Variants in TBC1D2 observed in about 807,000 individuals in gnomAD.
TBC1D2 encodes the protein TBC1 domain family member 2, also known as TBC1 domain family member 2A.
A neutral mutation model predicts 91.1 loss-of-function variants in TBC1D2; 58 were observed. The observed-to-expected ratio is 0.64, with a 90% CI of 0.52 to 0.79. The LOEUF is 0.79. Ranked by LOEUF, TBC1D2 falls within the 30% of genes least tolerant of loss-of-function variation. TBC1D2 has a pLI of 0.00. For missense variants in TBC1D2, 1,080 were observed against 1,208.3 expected (o/e 0.89, Z 1.57); for synonymous variants, 482 against 511.5 (o/e 0.94, Z 0.78).
At chr9:98,237,036 G>A (rs75388502) in intron 3 of TBC1D2, among the ~76,000 whole-genome samples, 1 of 151,680 alleles carries the variant, frequency 6.6e-6, no homozygotes, top group Non-Finnish European at 1.5e-5. Context: ...AATAAAATCT[G>A]TTAAGAATGT....
Position 98,251,813 on chromosome 9 carries a change from C to T in TBC1D2, c.483G>A (p.Gly161=). ...GCTCGAGGTGCAGGACGGGCCCATT[C>T]CCAGCCAGGGCGGCATCAGGGGTGG... ...PPATPDAALA[G]NGPVLHLELG... is the part of the protein sequence containing the mutation. Residue 161 remains glycine, a synonymous_variant, in exon 2 of 13, where the codon GGG becomes GGA. Coordinates refer to ENST00000465784, the MANE Select transcript of TBC1D2 (RefSeq NM_001267571.2). 6.2e-7 allele frequency: 1 copy of T among 1,602,606 alleles called. No individual in the cohort carries two copies. Among genetic ancestry groups the T allele is most frequent in the Non-Finnish European group, 8.5e-7 (1 of 1,175,398 alleles).
intron 6 of TBC1D2, 127 bp downstream of exon 6, chr9:98,220,706 G>A: frequency 8.3e-7 from 1 of 1,206,700 alleles, no homozygotes; most frequent in East Asian, 2.4e-5. Context: ...TTTCTAATGT[G>A]AATATTCTAG....
intron 6 of TBC1D2, among the ~76,000 whole-genome samples, chr9:98,217,086 A>T (rs111441579): frequency 2.0e-5 from 3 of 152,350 alleles, no homozygotes; most frequent in African/African-American, 7.2e-5. Context: ...GACATGCCGG[A>T]CAGGGAGGCA....
rs916827192 is a variant in TBC1D2, at chr9:98,228,594, C to A, written c.978+358G>T. ...TCGGCTGCCAGGTCAAAGTTCCCCCCAGTTCTATCGACAGCCCCTCCCATG... is the reference window on the plus strand; with the variant it reads ...TCGGCTGCCAGGTCAAAGTTCCCCCAAGTTCTATCGACAGCCCCTCCCATG... On this transcript the variant is annotated intron_variant, in intron 5 of 12. Coordinates refer to ENST00000465784, the MANE Select transcript of TBC1D2 (RefSeq NM_001267571.2). The surrounding 1 kb of genome is among the most constrained non-coding windows in gnomAD (Gnocchi z 4.0). Among the ~76,000 whole-genome samples the A allele has an allele frequency of 3.9e-5, 6 of 152,154 alleles. No homozygotes were observed. In the East Asian group the frequency reaches 1.2e-3, roughly 29 times the overall value.
intron 8 of TBC1D2, among the ~76,000 whole-genome samples, chr9:98,209,710 CTTT>C (rs565949265): frequency 2.1e-5 from 3 of 143,484 alleles, no homozygotes; most frequent in Non-Finnish European, 4.6e-5. Flanking sequence ...TTGCCTAAAT[CTTT>C]TTTTTTTCCT....
In TBC1D2 at chr9:98,244,079, G is replaced by C. The variant is rs373090046; in HGVS notation, c.562C>G (p.Pro188Ala). ...GCAGCTGCCACGCCCACTAGCCCAG[G>C]GGGTGTTTTCACAGGGCACAGGAAC... ...EEFLCPVKTPPGLVGVAAALQ... is the reference protein window; with the variant it reads ...EEFLCPVKTPAGLVGVAAALQ... The change falls in exon 3 of 13, where the codon CCT becomes GCT. Residue 188 changes from proline to alanine, a missense_variant. Physicochemically the swap from Pro to Ala is conservative, Grantham distance 27. Transcript: ENST00000465784. 13 of 1,613,292 alleles carry C rather than the reference G, an allele frequency of 8.1e-6. No individual in the cohort carries two copies. The highest frequency in any genetic ancestry group is 1.0e-5 in the Non-Finnish European group (12 of 1,179,708).
At chr9:98,201,441 C>A in intron 11 of TBC1D2, 38 bp downstream of exon 11, 1 of 1,594,648 alleles carries the variant, frequency 6.3e-7, no homozygotes, top group Non-Finnish European at 8.6e-7. Flanking sequence ...AAGGGACTTG[C>A]TCAGGGGCCC....
intron 6 of TBC1D2, among the ~76,000 whole-genome samples, chr9:98,220,008 A>G (rs977168074): frequency 1.3e-5 from 2 of 152,192 alleles, no homozygotes; most frequent in African/African-American, 4.8e-5. Context: ...CTTCACATAA[A>G]GTTCCTACCT....
intron 1 of TBC1D2, among the ~76,000 whole-genome samples, chr9:98,253,978 C>T (rs1829923175): frequency 1.3e-5 from 2 of 152,192 alleles, no homozygotes; most frequent in African/African-American, 4.8e-5. Context: ...CAGCAGTCAA[C>T]CTGTGGAAGA....
At chr9:98,240,202 A>C (rs893494580) in intron 3 of TBC1D2, among the ~76,000 whole-genome samples, 7 of 135,328 alleles carry the variant, frequency 5.2e-5, no homozygotes, top group African/African-American at 1.8e-4. Flanking sequence ...TGTTTTGTAT[A>C]GTTGGGCCCA....
intron 2 of TBC1D2, among the ~76,000 whole-genome samples, chr9:98,250,685 GGGTACTT>G (rs549789475): frequency 2.7e-4 from 41 of 152,250 alleles, no homozygotes; most frequent in Middle Eastern, 3.4e-3. Flanking sequence ...GAGGTCCAGG[GGGTACTT>G]GGTAACAAGT....
At chr9:98,219,099 C>A (rs554976130) in intron 6 of TBC1D2, among the ~76,000 whole-genome samples, 1 of 152,252 alleles carries the variant, frequency 6.6e-6, no homozygotes, top group African/African-American at 2.4e-5. Flanking sequence ...GGAAAAGATT[C>A]GGGAACTGGT....
Position 98,220,910 on chromosome 9 carries a change from G to T in TBC1D2, c.1297C>A (p.Pro433Thr), listed in dbSNP as rs758256308. The change falls in exon 6 of 13, where the codon CCT (proline) becomes ACT (threonine). Residue 433 changes from proline (P) to threonine (T), a missense_variant. Pro to Thr is a conservative substitution (Grantham distance 38). Transcript: ENST00000465784. ...EKVTQDFTHP[P>T]DQSPLRPDAA... ...TCGGGGCGCAAAGGAGACTGGTCAGGGGGGTGCGTGAAGTCCTGGGTGACC... is the reference window on the plus strand; with the variant it reads ...TCGGGGCGCAAAGGAGACTGGTCAGTGGGGTGCGTGAAGTCCTGGGTGACC... 6.2e-7 allele frequency: 1 copy of T among 1,614,200 alleles called. No individual in the cohort carries two copies. Among genetic ancestry groups the T allele is most frequent in the Admixed American group, 1.7e-5 (1 of 60,030 alleles).
intron 6 of TBC1D2, among the ~76,000 whole-genome samples, chr9:98,214,592 A>G (rs113242198): frequency 0.15 from 19,919 of 128,614 alleles, 1,298 homozygotes; most frequent in African/African-American, 0.19. Flanking sequence ...GCGATGCTGC[A>G]GCAAGGATGA....
intron 5 of TBC1D2, 47 bp from the exon 6 acceptor site, chr9:98,221,275 T>C (rs1829096230): frequency 6.7e-7 from 1 of 1,488,658 alleles, no homozygotes. Flanking sequence ...GAGGGCCTGC[T>C]GGGCGCCACA....
Position 98,199,546 on chromosome 9 carries a change from G to A in TBC1D2, c.2622C>T (p.Arg874=), listed in dbSNP as rs762423136. Residue 874 remains arginine, a synonymous_variant, in exon 13 of 13, where the codon CGC becomes CGT. Transcript: ENST00000465784. The stretch of plus-strand genomic sequence containing the variant: ...TGCGCAGCTGCCGCAGCTGTTTCAT[G>A]CGGAAGGGGTTCATGTCATTGAAGG... ...NIAFNDMNPF[R]MKQLRQLRMV... is the part of the protein sequence containing the mutation. 10 of 1,614,028 alleles carry A rather than the reference G, an allele frequency of 6.2e-6. No individual in the cohort carries two copies. The Admixed American group carries it at 1.0e-4, about 16-fold the overall frequency.
chr9:98,231,793 A>C (rs1588052667), intron 4 of TBC1D2, among the ~76,000 whole-genome samples: 2 of 152,220 alleles, frequency 1.3e-5, no homozygotes, highest in Admixed American at 1.3e-4. Context: ...ATACAGTTCC[A>C]GTTGCTGTAA....
chr9:98,205,515 T>G (rs10985426), intron 9 of TBC1D2, among the ~76,000 whole-genome samples: 13,054 of 152,220 alleles, frequency 0.086, 750 homozygotes, highest in Non-Finnish European at 0.13. Flanking sequence ...AGAGGCAGGG[T>G]CTGTCATCTT....
At position 98,199,491 on chromosome 9, in the gene TBC1D2, G is replaced by T. The variant is rs1828424751; in HGVS notation, c.2677C>A (p.Leu893Met). The change falls in exon 13 of 13, where the codon CTG (leucine) becomes ATG (methionine). Residue 893 changes from leucine to methionine, a missense_variant. By Grantham distance (15) the Leu-to-Met change is conservative. Transcript: ENST00000465784. The part of the protein sequence containing the change: ...MVHRERLEAE[L>M]RELEQLKAEY... ...GCCTTAAGCTGCTCCAGCTCCCGCA[G>T]CTCAGCCTCCAGCCGCTCCCGGTGG... 6.2e-7 allele frequency: 1 copy of T among 1,614,100 alleles called. No individual in the cohort carries two copies. The highest frequency in any genetic ancestry group is 8.5e-7 in the Non-Finnish European group (1 of 1,180,038).
Sources: allele counts gnomAD v4.1 joint callset (sites outside exome capture counted in the v4.1 genomes callset), GRCh38; gene constraint gnomAD v4.1.1; non-coding constraint Gnocchi (gnomAD v3.1); transcripts MANE v1.5; gene names NCBI Gene and HGNC (gene_info 2026-07-23, HGNC 2026-07-21).